ELOVL6: variants seen among roughly 807,000 people sequenced by gnomAD.
The protein encoded by ELOVL6 is ELOVL fatty acid elongase 6, also known as very long chain fatty acid elongase 6.
Under a neutral mutation model 31.7 loss-of-function variants are expected in ELOVL6, and 8 were observed. The observed-to-expected ratio is 0.25, with a 90% CI of 0.15 to 0.45. The LOEUF (loss-of-function observed/expected upper bound fraction) is 0.45. Among genes scored for constraint, ELOVL6 ranks in the 20% least tolerant of loss-of-function variants. ELOVL6 has a pLI of 1.00. For synonymous variants in ELOVL6, 101 were observed against 117.7 expected, an observed-to-expected ratio of 0.86 and a Z score of 0.92; for missense variants, 126 against 326.4, an observed-to-expected ratio of 0.39 and a Z score of 4.73.
intron 1 of ELOVL6, among the ~76,000 whole-genome samples, chr4:110,119,205 G>A (rs1346178919): frequency 1.3e-5 from 2 of 152,170 alleles, no homozygotes; most frequent in African/African-American, 4.8e-5. Flanking sequence ...GCCAAGGCAG[G>A]TGAATCACTT....
At chr4:110,198,103 C>T (rs1184731354) in intron 1 of ELOVL6, 144 bp downstream of exon 1, 8 of 460,380 alleles carry the variant, frequency 1.7e-5, no homozygotes, top group Non-Finnish European at 3.0e-5. Flanking sequence ...CTCCTGCACC[C>T]GGGAGACCCG....
At chr4:110,107,461 TTAA>T (rs1756920295) in intron 1 of ELOVL6, among the ~76,000 whole-genome samples, 1 of 152,166 alleles carries the variant, frequency 6.6e-6, no homozygotes, top group African/African-American at 2.4e-5. Context: ...CCGTAATACA[TTAA>T]TAACTAAAGA....
Position 110,133,428 on chromosome 4 carries a change from A to T in ELOVL6, c.90-27800T>A, listed in dbSNP as rs189868142. On this transcript the variant is annotated intron_variant, in intron 1 of 3. Transcript: ENST00000302274. ...CGAAAGCATGTTGCATTTCCTTACA[A>T]ATGTTACACTGTGTATTAATAAAAG... Among the ~76,000 whole-genome samples the T allele has an allele frequency of 1.8e-4, 27 of 152,300 alleles. 1 individual carries two copies. The East Asian group carries it at 4.6e-3, about 26-fold the overall frequency.
At chr4:110,154,986 T>C (rs1758374725) in intron 1 of ELOVL6, among the ~76,000 whole-genome samples, 2 of 152,210 alleles carry the variant, frequency 1.3e-5, no homozygotes, top group Non-Finnish European at 2.9e-5. Flanking sequence ...TATTTGAGAA[T>C]TAAATGAGCA....
chr4:110,159,593 T>C (rs1248521921), intron 1 of ELOVL6, among the ~76,000 whole-genome samples: 1 of 152,218 alleles, frequency 6.6e-6, no homozygotes, highest in African/African-American at 2.4e-5. Flanking sequence ...TAAATGCATA[T>C]ACTTTCTAAA....
At chr4:110,057,338 A>T (rs1343563748) in intron 3 of ELOVL6, among the ~76,000 whole-genome samples, 2 of 149,704 alleles carry the variant, frequency 1.3e-5, no homozygotes, top group African/African-American at 2.5e-5. Context: ...TAAAAAAAAA[A>T]TTGAGGGGGA....
intron 1 of ELOVL6, among the ~76,000 whole-genome samples, chr4:110,113,224 T>C (rs1379696461): frequency 9.3e-6 from 1 of 107,010 alleles, no homozygotes; most frequent in Non-Finnish European, 1.9e-5. Context: ...CAAGACTCCG[T>C]CTCAAAAAAA....
chr4:110,113,539 T>C (rs768394694), intron 1 of ELOVL6, among the ~76,000 whole-genome samples: 1 of 152,082 alleles, frequency 6.6e-6, no homozygotes, highest in Non-Finnish European at 1.5e-5. Flanking sequence ...GATTGCCCCA[T>C]GCACTCCAGC....
chr4:110,189,293 AAGAG>A (rs1560864372), intron 1 of ELOVL6, among the ~76,000 whole-genome samples: 1 of 152,038 alleles, frequency 6.6e-6, no homozygotes, highest in East Asian at 1.9e-4. Context: ...CTATTTAAAA[AAGAG>A]AGAGAGAGGC....
In ELOVL6 at chr4:110,048,777, G is replaced by A. The variant is rs1754762592; in HGVS notation, c.*2561C>T. On this transcript the variant is annotated 3_prime_UTR_variant, in exon 4 of 4. Coordinates refer to ENST00000302274, the MANE Select transcript of ELOVL6 (RefSeq NM_024090.3). ...TTGGAAATGCCTTTAGATATATTTA[G>A]CTAATTTTAAAACTATTAAGACATT... 1 of 151,950 alleles carries A rather than the reference G, an allele frequency of 6.6e-6. No individual in the cohort carries two copies. Among genetic ancestry groups the A allele is most frequent in the Non-Finnish European group, 1.5e-5 (1 of 68,004 alleles). The allele number at this position is 151,950 out of a possible 1,614,324, so 9.4% of individuals were successfully genotyped here. A position where few individuals can be genotyped will look rare whatever the true frequency, so the allele number is the denominator to read the frequency against.
At chr4:110,087,102 A>G (rs1756289149) in intron 2 of ELOVL6, among the ~76,000 whole-genome samples, 2 of 152,078 alleles carry the variant, frequency 1.3e-5, no homozygotes, top group African/African-American at 4.8e-5. Context: ...GGGTGTTCTT[A>G]CAAATTTGGG....
intron 2 of ELOVL6, among the ~76,000 whole-genome samples, chr4:110,095,707 G>C (rs1412599195): frequency 2.6e-5 from 4 of 152,148 alleles, no homozygotes; most frequent in South Asian, 4.1e-4. Flanking sequence ...ATGCTATGTA[G>C]AATATCCTTG....
intron 2 of ELOVL6, among the ~76,000 whole-genome samples, chr4:110,060,832 T>C (rs776719620): frequency 1.3e-5 from 2 of 152,306 alleles, no homozygotes; most frequent in East Asian, 3.9e-4. Context: ...AACTGTTGAA[T>C]TGGGAAATGG....
chr4:110,052,286 T>G (rs772490954), intron 3 of ELOVL6, among the ~76,000 whole-genome samples: 14 of 152,220 alleles, frequency 9.2e-5, no homozygotes, highest in Non-Finnish European at 1.6e-4. Context: ...CCATAATTTT[T>G]CTTTGGTACA....
chr4:110,081,593 C>A (rs1204749525), intron 2 of ELOVL6, among the ~76,000 whole-genome samples: 1 of 151,070 alleles, frequency 6.6e-6, no homozygotes, highest in Non-Finnish European at 1.5e-5. Context: ...AAAATTAATT[C>A]AAGATGGATT....
chr4:110,158,857 C>T (rs56885198), intron 1 of ELOVL6, among the ~76,000 whole-genome samples: 5,510 of 151,518 alleles, frequency 0.036, 322 homozygotes, highest in African/African-American at 0.13. Flanking sequence ...GATGGGGTTT[C>T]GCCACGTTGG....
At chr4:110,198,012 A>G (rs1759865363) in intron 1 of ELOVL6, 1 of 601,302 alleles carries the variant, frequency 1.7e-6, no homozygotes, top group African/African-American at 1.9e-5. Context: ...TATAATCTAT[A>G]TAAAAGATGC....
At chr4:110,154,683 C>T (rs1266772166) in intron 1 of ELOVL6, among the ~76,000 whole-genome samples, 1 of 152,214 alleles carries the variant, frequency 6.6e-6, no homozygotes, top group East Asian at 1.9e-4. Flanking sequence ...CAGACCCAAA[C>T]CGAATTTCTT....
intron 1 of ELOVL6, among the ~76,000 whole-genome samples, chr4:110,140,458 T>C (rs557259280): frequency 1.3e-5 from 2 of 152,070 alleles, no homozygotes; most frequent in Admixed American, 6.6e-5. Context: ...AGATGGGGTC[T>C]TACTCTGTCG....
Sources: gnomAD v4.1 joint callset for allele counts (sites outside exome capture counted in the v4.1 genomes callset) on GRCh38, gnomAD v4.1.1 for gene constraint, MANE v1.5 for transcripts, NCBI Gene and HGNC (gene_info 2026-07-23, HGNC 2026-07-21) for gene names.